Variants in ITCH observed in about 807,000 individuals in gnomAD.
The protein encoded by ITCH is E3 ubiquitin-protein ligase Itchy homolog.
In ITCH, 28 loss-of-function variants were observed where a neutral mutation model predicts 126.8. The ratio of observed to expected loss-of-function variants is 0.22; its 90% CI spans 0.16 to 0.30. ITCH has a LOEUF of 0.30. ITCH is among the 10% of genes least tolerant of loss of function. The pLI is 1.00. For missense variants in ITCH, 631 were observed against 1,032.4 expected (o/e 0.61, Z 5.33); for synonymous variants, 342 against 340.0 (o/e 1.01, Z -0.06).
intron 3 of ITCH, among the ~76,000 whole-genome samples, chr20:34,398,417 T>A (rs994492255): frequency 3.3e-5 from 5 of 151,572 alleles, no homozygotes; most frequent in African/African-American, 1.2e-4. Context: ...TTTTTTTTTT[T>A]GAGACAGTTT....
chr20:34,366,745 G>T (rs2037436446), intron 1 of ITCH, among the ~76,000 whole-genome samples: 1 of 151,956 alleles, frequency 6.6e-6, no homozygotes, highest in African/African-American at 2.4e-5. Context: ...CAGATTTTTC[G>T]ACAGGGAAAT....
chr20:34,433,667 A>C (rs1982625564), intron 7 of ITCH, among the ~76,000 whole-genome samples: 1 of 151,752 alleles, frequency 6.6e-6, no homozygotes, highest in Admixed American at 6.6e-5. Flanking sequence ...AAAAAAAAAA[A>C]AAAAACCCAA....
At chr20:34,452,166 G>A (rs1021641098) in intron 12 of ITCH, among the ~76,000 whole-genome samples, 4 of 151,986 alleles carry the variant, frequency 2.6e-5, no homozygotes, top group African/African-American at 7.2e-5. Flanking sequence ...TCTAGGGCAG[G>A]TGTAGAAAAA....
intron 3 of ITCH, among the ~76,000 whole-genome samples, chr20:34,403,421 T>C (rs2146118969): frequency 6.6e-6 from 1 of 152,278 alleles, no homozygotes; most frequent in South Asian, 2.1e-4. Flanking sequence ...AGAGAGCACA[T>C]GCATGGGAGA....
At chr20:34,481,027 T>C in intron 19 of ITCH, 39 bp from the exon 20 acceptor site, 10 of 1,601,332 alleles carry the variant, frequency 6.2e-6, no homozygotes, top group Non-Finnish European at 8.6e-6. Flanking sequence ...ATGATTGAAT[T>C]GGTGGATATA....
In ITCH at chr20:34,466,233, G is replaced by A. The variant is rs535647303; in HGVS notation, c.1425-3815G>A. 3.9e-3 allele frequency: 1,483 copies of A among 380,450 alleles called. 5 individuals are homozygous for A. Among genetic ancestry groups the A allele is most frequent in the Non-Finnish European group, 5.7e-3 (1,095 of 191,746 alleles). The allele number at this position is 380,450 out of a possible 1,614,324, so 23.6% of individuals were successfully genotyped here. On this transcript the variant is annotated intron_variant, in intron 14 of 24. Coordinates refer to ENST00000374864, the MANE Select transcript of ITCH (RefSeq NM_031483.7). ...TGGTATATTATGTTGATTTTTCATA[G>A]GTTGAACCTTTTTTGCATTCCAGGA...
At chr20:34,408,221 C>A (rs932509997) in intron 3 of ITCH, among the ~76,000 whole-genome samples, 2 of 151,476 alleles carry the variant, frequency 1.3e-5, no homozygotes, top group Non-Finnish European at 2.9e-5. Context: ...GACTGGCACA[C>A]GCCACTGTGC....
chr20:34,506,107 C>T (rs1317461971), intron 24 of ITCH, among the ~76,000 whole-genome samples: 1 of 152,098 alleles, frequency 6.6e-6, no homozygotes, highest in Non-Finnish European at 1.5e-5. Context: ...GTCTGTCACC[C>T]AGGCTGGAGT....
chr20:34,405,376 G>A (rs1037575674), intron 3 of ITCH, among the ~76,000 whole-genome samples: 4 of 152,022 alleles, frequency 2.6e-5, no homozygotes, highest in Admixed American at 6.6e-5. Flanking sequence ...GTGGCGGCGC[G>A]TGCCTATAAC....
intron 20 of ITCH, among the ~76,000 whole-genome samples, chr20:34,485,848 A>G (rs926241090): frequency 8.5e-5 from 13 of 152,088 alleles, no homozygotes; most frequent in Middle Eastern, 3.2e-3. Flanking sequence ...GTGCCCAGCA[A>G]ATTTTTTGGT....
At position 34,504,347 on chromosome 20, in the gene ITCH, G is replaced by C; in HGVS notation, c.2433G>C (p.Gln811His). 6.2e-7 allele frequency: 1 copy of C among 1,613,320 alleles called. No homozygotes were observed. Among genetic ancestry groups the C allele is most frequent in the Non-Finnish European group, 8.5e-7 (1 of 1,179,298 alleles). The part of the protein sequence containing the change: ...FADLMGSNGP[Q>H]KFCIEKVGKE... ...ATGTTTTAGGGAGCAATGGACCACA[G>C]AAATTCTGCATTGAAAAAGTTGGGA... Residue 811 changes from glutamine to histidine, a missense_variant, in exon 24 of 25, where the codon CAG becomes CAC. Coordinates refer to ENST00000374864, the MANE Select transcript of ITCH (RefSeq NM_031483.7).
chr20:34,425,537 C>A (rs1351306453), intron 7 of ITCH, among the ~76,000 whole-genome samples: 1 of 152,170 alleles, frequency 6.6e-6, no homozygotes. Context: ...GTAAAGCCAA[C>A]CATTCGTTCT....
intron 9 of ITCH, among the ~76,000 whole-genome samples, chr20:34,440,695 C>T (rs779018895): frequency 7.2e-5 from 11 of 151,844 alleles, no homozygotes; most frequent in Non-Finnish European, 1.6e-4. Context: ...TCAAGTGATC[C>T]GACCACCTCA....
chr20:34,477,975 A>C lies in ITCH; in HGVS notation c.1658+115A>C. ...TATTTTAGGAAAATGAAATATGTCA[A>C]ATTATTATACCTTTATTATGCTGTA... On this transcript the variant is annotated intron_variant, in intron 17 of 24. Transcript: ENST00000374864. The C allele has an allele frequency of 2.3e-6, 3 of 1,333,098 alleles. No individual in the cohort carries two copies. The South Asian group carries it at 3.8e-5, about 17-fold the overall frequency. The allele number at this position is 1,333,098 out of a possible 1,614,324, so 82.6% of individuals were successfully genotyped here.
chr20:34,369,205 G>A (rs904895683), intron 1 of ITCH, among the ~76,000 whole-genome samples, 189 bp from the exon 2 acceptor site: 6 of 152,090 alleles, frequency 3.9e-5, no homozygotes, highest in South Asian at 2.1e-4. Context: ...GTGCACGCCC[G>A]TAGTGTAGTC....
intron 3 of ITCH, among the ~76,000 whole-genome samples, chr20:34,398,026 C>T (rs1156782595): frequency 6.7e-6 from 1 of 149,264 alleles, no homozygotes; most frequent in African/African-American, 2.5e-5. Context: ...ATGATAAACA[C>T]TAATTGCACC....
chr20:34,409,574 T>A (rs1286070073), intron 4 of ITCH, among the ~76,000 whole-genome samples: 1 of 152,184 alleles, frequency 6.6e-6, no homozygotes, highest in Non-Finnish European at 1.5e-5. Flanking sequence ...ATCATGGTGA[T>A]CTCTTTACCT....
chr20:34,439,736 T>A (rs761856780), intron 8 of ITCH, among the ~76,000 whole-genome samples: 11 of 152,214 alleles, frequency 7.2e-5, no homozygotes, highest in Non-Finnish European at 1.5e-4. Flanking sequence ...TTATTTCTTA[T>A]CAGACCTTCC....
intron 3 of ITCH, among the ~76,000 whole-genome samples, chr20:34,400,170 C>T (rs2038823149): frequency 6.6e-6 from 1 of 152,074 alleles, no homozygotes; most frequent in Admixed American, 6.6e-5. Context: ...ATCTCCTGAC[C>T]TTGTGATCTG....
Sources: gnomAD v4.1 joint callset for allele counts (sites outside exome capture counted in the v4.1 genomes callset) on GRCh38, gnomAD v4.1.1 for gene constraint, MANE v1.5 for transcripts, NCBI Gene and HGNC (gene_info 2026-07-23, HGNC 2026-07-21) for gene names.